Variants in LHFPL3 observed in about 807,000 individuals in gnomAD.
LHFPL3 encodes the protein LHFPL tetraspan subfamily member 3.
A neutral mutation model predicts 19.3 loss-of-function variants in LHFPL3; 5 were observed. That is an observed-to-expected ratio of 0.26 (90% confidence interval 0.14 to 0.54). The LOEUF (loss-of-function observed/expected upper bound fraction) is 0.54. LHFPL3 is among the 20% of genes least tolerant of loss of function. LHFPL3 has a pLI of 0.94. For missense variants in LHFPL3, 249 were observed against 307.4 expected (o/e 0.81, Z 1.42); for synonymous variants, 133 against 126.2 (o/e 1.05, Z -0.36).
rs377296726 is a variant in LHFPL3 at position 104,857,778 on chromosome 7, T to C, written c.683-48409T>C. Among the ~76,000 whole-genome samples, 5 of 152,348 alleles carry C rather than the reference T, an allele frequency of 3.3e-5. No individual in the cohort carries two copies. In the East Asian group the frequency reaches 7.7e-4, roughly 23 times the overall value. On this transcript the variant is annotated intron_variant, in intron 2 of 2. Coordinates refer to ENST00000424859, the MANE Select transcript of LHFPL3 (RefSeq NM_199000.3). Reference sequence around the variant, plus strand: ...TAATGTTAGTCTTTTTCCTCCTTTCTGGATGATGGTAAAATTTACTGAGCT... The same window carrying C: ...TAATGTTAGTCTTTTTCCTCCTTTCCGGATGATGGTAAAATTTACTGAGCT...
chr7:104,718,423 C>T (rs1401071701), intron 1 of LHFPL3, among the ~76,000 whole-genome samples: 2 of 152,140 alleles, frequency 1.3e-5, no homozygotes, highest in East Asian at 1.9e-4. Context: ...TGCTGGTCCT[C>T]GCTGAGAAAG....
rs531340906 is a variant in LHFPL3 at position 104,893,815 on chromosome 7, G to A, written c.683-12372G>A. Among the ~76,000 whole-genome samples the A allele has an allele frequency of 5.3e-5, 8 of 152,022 alleles. No individual in the cohort carries two copies. The East Asian group carries it at 7.8e-4, about 15-fold the overall frequency. On this transcript the variant is annotated intron_variant, in intron 2 of 2. Transcript: ENST00000424859. ...AAAAATGCAAAAATTAGCCAGGCAT[G>A]GTGGCATACCCCTGTAATCCCAGCT... is the stretch of plus-strand genomic sequence containing the variant.
In LHFPL3 at chr7:104,492,252, T is replaced by C. The variant is rs116050704; in HGVS notation, c.445+163028T>C. On this transcript the variant is annotated intron_variant, in intron 1 of 2. Coordinates refer to ENST00000424859, the MANE Select transcript of LHFPL3 (RefSeq NM_199000.3). ...TTCCACTAAATGATTTTTCCCCTTA[T>C]TAATGACTAGTTAACAGGAAATAAT... 5.1e-3 allele frequency among the ~76,000 whole-genome samples: 751 copies of C among 146,296 alleles called. 4 individuals are homozygous for C. The highest frequency in any genetic ancestry group is 0.018 in the African/African-American group (717 of 40,480).
intron 2 of LHFPL3, among the ~76,000 whole-genome samples, chr7:104,873,489 C>T (rs1324386655): frequency 7.8e-6 from 1 of 127,522 alleles, no homozygotes; most frequent in African/African-American, 3.6e-5. Context: ...GCCAGGCGTG[C>T]GGTAGCACTA....
intron 2 of LHFPL3, among the ~76,000 whole-genome samples, chr7:104,904,507 C>T (rs567087970): frequency 2.0e-4 from 30 of 152,212 alleles, no homozygotes; most frequent in African/African-American, 7.0e-4. Context: ...AAAAATCAGC[C>T]AGGTGTGGTG....
chr7:104,506,117 A>G (rs1793693769), intron 1 of LHFPL3, among the ~76,000 whole-genome samples: 1 of 152,030 alleles, frequency 6.6e-6, no homozygotes, highest in Admixed American at 6.5e-5. Context: ...CCTGAGTTCA[A>G]GTGATTCTCC....
In LHFPL3 at chr7:104,669,386, A is replaced by G. The variant is rs919318023; in HGVS notation, c.446-67289A>G. The G allele has an allele frequency of 2.4e-5, 38 of 1,613,594 alleles. No homozygotes were observed. In the African/African-American group the frequency reaches 4.9e-4, roughly 21 times the overall value. ...GGGAACTCTAGCCGTGGTCCAGGAG[A>G]CTGAGGGAACAGAGACCACTGGAAG... On this transcript the variant is annotated intron_variant, in intron 1 of 2. Transcript: ENST00000424859.
chr7:104,499,880 A>G (rs1377365743), intron 1 of LHFPL3, among the ~76,000 whole-genome samples: 2 of 152,262 alleles, frequency 1.3e-5, no homozygotes, highest in African/African-American at 4.8e-5. Flanking sequence ...CAGTAGAAGA[A>G]AAAAAGGAAA....
intron 1 of LHFPL3, among the ~76,000 whole-genome samples, chr7:104,677,865 C>G (rs142982420): frequency 9.9e-5 from 15 of 152,170 alleles, no homozygotes; most frequent in African/African-American, 3.4e-4. Flanking sequence ...ACTGTTCCTC[C>G]TACATGGGGA....
chr7:104,658,685 G>T (rs567656110), intron 1 of LHFPL3, among the ~76,000 whole-genome samples: 1 of 152,250 alleles, frequency 6.6e-6, no homozygotes, highest in South Asian at 2.1e-4. Flanking sequence ...AGTTACCCTG[G>T]AGGCTGAGGC....
chr7:104,361,316 G>A (rs761091625), intron 1 of LHFPL3, among the ~76,000 whole-genome samples: 3 of 152,156 alleles, frequency 2.0e-5, no homozygotes, highest in Admixed American at 1.3e-4. Flanking sequence ...TATATTGATT[G>A]TATTTATAGA....
At chr7:104,780,233 C>T (rs1004698274) in intron 2 of LHFPL3, among the ~76,000 whole-genome samples, 8 of 151,954 alleles carry the variant, frequency 5.3e-5, no homozygotes, top group East Asian at 1.9e-4. Flanking sequence ...TTCCCAGGAA[C>T]GAAGAAGCCT....
chr7:104,542,853 G>A (rs908019378), intron 1 of LHFPL3, among the ~76,000 whole-genome samples: 10 of 152,074 alleles, frequency 6.6e-5, no homozygotes, highest in South Asian at 2.1e-4. Context: ...ACATGCACCC[G>A]TAAGTTTATT....
chr7:104,342,346 A>G (rs1288278481), intron 1 of LHFPL3, among the ~76,000 whole-genome samples: 3 of 152,186 alleles, frequency 2.0e-5, no homozygotes, highest in East Asian at 3.8e-4. Flanking sequence ...GGGAAACTTT[A>G]GGGACTTTTC....
Position 104,576,637 on chromosome 7 carries a change from T to C in LHFPL3, c.446-160038T>C, listed in dbSNP as rs111598590. ...CTCTGTCCTGTCTGAGAGAGTTGGGTTTTTTTGTTTGTTTGTTTGTTTTGT... is the reference window on the plus strand; with the variant it reads ...CTCTGTCCTGTCTGAGAGAGTTGGGCTTTTTTGTTTGTTTGTTTGTTTTGT... On this transcript the variant is annotated intron_variant, in intron 1 of 2. Coordinates refer to ENST00000424859, the MANE Select transcript of LHFPL3 (RefSeq NM_199000.3). Among the ~76,000 whole-genome samples the C allele has an allele frequency of 9.5e-3, 1,451 of 152,010 alleles. 24 individuals are homozygous for C. The highest frequency in any genetic ancestry group is 0.033 in the African/African-American group (1,374 of 41,476).
At chr7:104,566,895 T>C (rs956295263) in intron 1 of LHFPL3, among the ~76,000 whole-genome samples, 2 of 152,240 alleles carry the variant, frequency 1.3e-5, no homozygotes, top group Admixed American at 6.5e-5. Context: ...AAGAAAATGT[T>C]ATAACCTGTC....
intron 1 of LHFPL3, among the ~76,000 whole-genome samples, chr7:104,520,174 CA>C (rs1266138391): frequency 6.6e-6 from 1 of 152,048 alleles, no homozygotes. Flanking sequence ...TGAATTTTGT[CA>C]AAGGCCTTTT....
At chr7:104,811,305 C>T (rs1250871798) in intron 2 of LHFPL3, among the ~76,000 whole-genome samples, 1 of 152,098 alleles carries the variant, frequency 6.6e-6, no homozygotes, top group Non-Finnish European at 1.5e-5. Context: ...ACCCATCCTC[C>T]CACCTCAGCC....
intron 1 of LHFPL3, chr7:104,669,666 A>C: frequency 7.6e-7 from 1 of 1,317,320 alleles, no homozygotes; most frequent in East Asian, 2.4e-5. Context: ...AAGACAAAAT[A>C]AAACTCACCA....
Sources: allele counts gnomAD v4.1 joint callset (sites outside exome capture counted in the v4.1 genomes callset), GRCh38; gene constraint gnomAD v4.1.1; transcripts MANE v1.5; gene names NCBI Gene and HGNC (gene_info 2026-07-23, HGNC 2026-07-21).